ADAM23: variants seen among roughly 807,000 people sequenced by gnomAD.
ADAM23 encodes ADAM metallopeptidase domain 23.
Under a neutral mutation model 120.1 loss-of-function variants are expected in ADAM23, and 33 were observed. The observed-to-expected ratio is 0.27, with a 90% CI of 0.21 to 0.37. The LOEUF (loss-of-function observed/expected upper bound fraction) is 0.37. Among genes scored for constraint, ADAM23 ranks in the 10% least tolerant of loss-of-function variants. ADAM23 has a pLI of 1.00. For missense variants in ADAM23, 862 were observed against 1,058.2 expected (o/e 0.81, Z 2.57); for synonymous variants, 367 against 375.2 (o/e 0.98, Z 0.25).
At chr2:206,482,822 A>G (rs1480024176) in intron 3 of ADAM23, among the ~76,000 whole-genome samples, 3 of 152,160 alleles carry the variant, frequency 2.0e-5, no homozygotes, top group Non-Finnish European at 4.4e-5. Context: ...AGGAGTGTGA[A>G]AAGGCGTCTT....
intron 3 of ADAM23, among the ~76,000 whole-genome samples, chr2:206,518,009 A>T (rs1559244721): frequency 6.6e-6 from 1 of 152,190 alleles, no homozygotes; most frequent in Non-Finnish European, 1.5e-5. Context: ...TTTGATCCAA[A>T]CACTGCAAGG....
At chr2:206,589,778 C>T (rs932380317) in intron 21 of ADAM23, among the ~76,000 whole-genome samples, 2 of 152,050 alleles carry the variant, frequency 1.3e-5, no homozygotes, top group African/African-American at 2.4e-5. Flanking sequence ...TTTGTTCTGA[C>T]GAGATACTTT....
intron 24 of ADAM23, among the ~76,000 whole-genome samples, chr2:206,598,631 G>T (rs1398380369): frequency 6.6e-6 from 1 of 152,194 alleles, no homozygotes; most frequent in Non-Finnish European, 1.5e-5. Flanking sequence ...TGGCTCAGTG[G>T]TTCGCGCCTG....
intron 8 of ADAM23, among the ~76,000 whole-genome samples, chr2:206,549,763 ATTTAT>A (rs1697474881): frequency 6.6e-6 from 1 of 151,994 alleles, no homozygotes; most frequent in African/African-American, 2.4e-5. Context: ...TGAAATTGAG[ATTTAT>A]TTATTTTAAC....
intron 21 of ADAM23, among the ~76,000 whole-genome samples, chr2:206,591,986 T>G (rs986517774): frequency 6.6e-6 from 1 of 152,208 alleles, no homozygotes; most frequent in African/African-American, 2.4e-5. Context: ...TGCCCATTTT[T>G]TAGGAGTCAT....
Position 206,617,857 on chromosome 2 carries a change from AC to A in ADAM23, c.*232del. The A allele has an allele frequency of 1.3e-6, 1 of 798,060 alleles. No homozygotes were observed. The highest frequency in any genetic ancestry group is 1.8e-6 in the Non-Finnish European group (1 of 571,426). 49.4% of individuals were successfully genotyped at this position (798,060 alleles called of 1,614,324 possible). A position where few individuals can be genotyped will look rare whatever the true frequency, so the allele number is the denominator to read the frequency against. On this transcript the variant is annotated 3_prime_UTR_variant, in exon 26 of 26. Coordinates refer to ENST00000264377, the MANE Select transcript of ADAM23 (RefSeq NM_003812.4). The stretch of plus-strand genomic sequence containing the variant: ...CAGTAAACGGGGGAGGGGGCAAAAG[AC>A]CATGCTATAAAAAGAACTGTTCCAG...
At chr2:206,506,096 A>G (rs1267452378) in intron 3 of ADAM23, among the ~76,000 whole-genome samples, 1 of 152,220 alleles carries the variant, frequency 6.6e-6, no homozygotes, top group Non-Finnish European at 1.5e-5. Flanking sequence ...GAGTTCTCAG[A>G]CAAGACAAAA....
intron 3 of ADAM23, among the ~76,000 whole-genome samples, chr2:206,494,200 C>G (rs1340045951): frequency 6.6e-6 from 1 of 152,178 alleles, no homozygotes; most frequent in Non-Finnish European, 1.5e-5. Flanking sequence ...CCATACTGCA[C>G]ATTACATCCA....
intron 24 of ADAM23, 67 bp from the exon 25 acceptor site, chr2:206,609,843 G>T: frequency 3.0e-6 from 4 of 1,328,750 alleles, no homozygotes; most frequent in Non-Finnish European, 4.1e-6. Context: ...CTGCTTAACT[G>T]CCTTTCCCTT....
intron 3 of ADAM23, among the ~76,000 whole-genome samples, chr2:206,492,508 A>T (rs1696155907): frequency 6.6e-6 from 1 of 152,202 alleles, no homozygotes; most frequent in South Asian, 2.1e-4. Flanking sequence ...CAATATTTAT[A>T]TATTGTTTAT....
At chr2:206,577,800 A>G (rs1382726644) in intron 18 of ADAM23, among the ~76,000 whole-genome samples, 1 of 151,776 alleles carries the variant, frequency 6.6e-6, no homozygotes, top group Non-Finnish European at 1.5e-5. Context: ...GCTTGGTCAA[A>G]TGGTATTTCT....
intron 3 of ADAM23, among the ~76,000 whole-genome samples, chr2:206,509,079 A>G (rs964426941): frequency 1.3e-5 from 2 of 152,238 alleles, no homozygotes; most frequent in Non-Finnish European, 2.9e-5. Context: ...AGATGTTTAT[A>G]TTAGTTTCTT....
intron 18 of ADAM23, 81 bp from the exon 19 acceptor site, chr2:206,587,244 T>C (rs915152498): frequency 1.0e-6 from 1 of 985,696 alleles, no homozygotes; most frequent in Non-Finnish European, 1.5e-6. Context: ...ATATCCACCA[T>C]GCTTGCATTA....
chr2:206,446,337 G>A (rs1049788243), intron 2 of ADAM23, among the ~76,000 whole-genome samples: 21 of 152,120 alleles, frequency 1.4e-4, no homozygotes, highest in African/African-American at 5.1e-4. Context: ...TTAAACAATG[G>A]ATTATCGGTT....
chr2:206,539,343 A>C (rs992074159), intron 4 of ADAM23, among the ~76,000 whole-genome samples: 13 of 152,164 alleles, frequency 8.5e-5, no homozygotes, highest in African/African-American at 3.1e-4. Flanking sequence ...TCATGGGCTG[A>C]ATCGAGCCCT....
chr2:206,559,771 T>C (rs1697721755), intron 10 of ADAM23, among the ~76,000 whole-genome samples, 184 bp from the exon 11 acceptor site: 1 of 152,190 alleles, frequency 6.6e-6, no homozygotes, highest in Non-Finnish European at 1.5e-5. Flanking sequence ...AATTGTGTGA[T>C]TGTTCTTTCT....
intron 2 of ADAM23, among the ~76,000 whole-genome samples, chr2:206,467,771 C>T (rs913359265): frequency 2.6e-5 from 4 of 152,230 alleles, no homozygotes; most frequent in African/African-American, 9.6e-5. Flanking sequence ...TAGAGGTTCT[C>T]CATGAGGGCT....
intron 2 of ADAM23, among the ~76,000 whole-genome samples, chr2:206,449,898 CTT>C (rs1290393583): frequency 6.6e-6 from 1 of 152,196 alleles, no homozygotes; most frequent in Non-Finnish European, 1.5e-5. Flanking sequence ...GGAAAGCTGA[CTT>C]TAGTTGACCT....
chr2:206,592,719 C>T lies in ADAM23; in HGVS notation c.2061C>T (p.Gly687=). The change falls in exon 22 of 26, where the codon GGC becomes GGT. Residue 687 remains glycine, a synonymous_variant. Transcript: ENST00000264377. The stretch of plus-strand genomic sequence containing the variant: ...TTCCAACTTCCTTCTACCATCAAGG[C>T]CGGGTGATTGACTGCAGGTAACATA... ...EIIPTSFYHQ[G]RVIDCSGAHV... 6.2e-7 allele frequency: 1 copy of T among 1,613,954 alleles called. No homozygotes were observed. The highest frequency in any genetic ancestry group is 8.5e-7 in the Non-Finnish European group (1 of 1,179,918).
Sources: allele counts gnomAD v4.1 joint callset (sites outside exome capture counted in the v4.1 genomes callset), GRCh38; gene constraint gnomAD v4.1.1; transcripts MANE v1.5; gene names NCBI Gene and HGNC (gene_info 2026-07-23, HGNC 2026-07-21).